The following PSEN2 variants were observed in gnomAD, a reference collection of about 807,000 sequenced individuals.
PSEN2 encodes presenilin 2.
PSEN2 carries 32 observed loss-of-function variants against 49.1 expected under a neutral mutation model. The observed-to-expected ratio is 0.65, with a 90% CI of 0.49 to 0.88. PSEN2 has a LOEUF of 0.88. PSEN2 is among the 40% of genes least tolerant of loss of function. The probability of loss-of-function intolerance (pLI) is 0.00; values close to 1 mark genes in which losing one functional copy is unlikely to be tolerated. For synonymous variants in PSEN2, 255 were observed against 244.0 expected, an observed-to-expected ratio of 1.05 and a Z score of -0.42; for missense variants, 522 against 586.9, an observed-to-expected ratio of 0.89 and a Z score of 1.14.
Position 226,895,673 on chromosome 1 carries a change from T to C in PSEN2, c.*94T>C, listed in dbSNP as rs202239448. On this transcript the variant is annotated 3_prime_UTR_variant, in exon 13 of 13. Coordinates refer to ENST00000366783, the MANE Select transcript of PSEN2 (RefSeq NM_000447.3). Reference sequence around the variant, plus strand: ...CTCTAGTGCCATATATTTTTAAGACTTTTCTTTCCTTAAAAAATAAAGTAC... The same window carrying C: ...CTCTAGTGCCATATATTTTTAAGACCTTTCTTTCCTTAAAAAATAAAGTAC... 7.2e-7 allele frequency: 1 copy of C among 1,394,884 alleles called. No homozygotes were observed. Among genetic ancestry groups the C allele is most frequent in the Non-Finnish European group, 9.9e-7 (1 of 1,015,016 alleles). 86.4% of individuals were successfully genotyped at this position (1,394,884 alleles called of 1,614,324 possible). A position where few individuals can be genotyped will look rare whatever the true frequency, so the allele number is the denominator to read the frequency against.
At chr1:226,873,108 C>G (rs1279484163) in intron 2 of PSEN2, among the ~76,000 whole-genome samples, 8 of 151,446 alleles carry the variant, frequency 5.3e-5, no homozygotes, top group African/African-American at 1.9e-4. Context: ...ACCCAGGAGG[C>G]GGAGGTTGCA....
At chr1:226,882,717 C>T (rs959208854) in intron 4 of PSEN2, among the ~76,000 whole-genome samples, 1 of 152,164 alleles carries the variant, frequency 6.6e-6, no homozygotes, top group African/African-American at 2.4e-5. Flanking sequence ...AATTTGAGCT[C>T]ACTTCTCCAT....
chr1:226,888,232 C>A (rs1285838158), intron 7 of PSEN2, 74 bp downstream of exon 7: 7 of 1,349,342 alleles, frequency 5.2e-6, no homozygotes, highest in East Asian at 4.6e-5. Flanking sequence ...GGCATGAGGA[C>A]CTGGGCGGGG....
At chr1:226,890,998 C>T (rs888617131) in intron 9 of PSEN2, 24 of 490,082 alleles carry the variant, frequency 4.9e-5, no homozygotes, top group Middle Eastern at 5.6e-4. Flanking sequence ...TGTCCCAGGG[C>T]TCGGGGGATT....
chr1:226,879,497 A>G (rs1422788312), intron 3 of PSEN2, among the ~76,000 whole-genome samples: 5 of 152,154 alleles, frequency 3.3e-5, no homozygotes, highest in African/African-American at 1.2e-4. Context: ...TCCATCAGGC[A>G]CCAAACTCCT....
At chr1:226,887,843 G>T (rs1486448342) in intron 6 of PSEN2, among the ~76,000 whole-genome samples, 1 of 152,166 alleles carries the variant, frequency 6.6e-6, no homozygotes, top group Non-Finnish European at 1.5e-5. Context: ...GATGGGGGGA[G>T]ACCGCAAGGC....
intron 12 of PSEN2, among the ~76,000 whole-genome samples, chr1:226,902,765 C>T (rs1184241582): frequency 6.6e-6 from 1 of 152,174 alleles, no homozygotes; most frequent in Admixed American, 6.5e-5. Flanking sequence ...GGCTTGCAAG[C>T]ACCTGTTATA....
downstream of PSEN2, among the ~76,000 whole-genome samples, chr1:226,901,313 G>A (rs1662313002): frequency 6.6e-6 from 1 of 151,712 alleles, no homozygotes; most frequent in South Asian, 2.1e-4. Context: ...GCGGGCACCT[G>A]TAATCCCAGC....
chr1:226,872,922 A>C (rs750798423), intron 2 of PSEN2, among the ~76,000 whole-genome samples: 25 of 152,122 alleles, frequency 1.6e-4, no homozygotes, highest in Non-Finnish European at 3.5e-4. Context: ...TCATGTCTGT[A>C]ATCCCAGCAC....
At chr1:226,893,946 CTCT>C (rs1367946023) in intron 11 of PSEN2, 58 bp from the exon 12 acceptor site, 1 of 1,448,606 alleles carries the variant, frequency 6.9e-7, no homozygotes, top group Non-Finnish European at 9.7e-7. Flanking sequence ...GCCAGAGTTT[CTCT>C]TCTTTTTCCA....
At chr1:226,873,371 T>G (rs1329626862) in intron 2 of PSEN2, among the ~76,000 whole-genome samples, 6 of 152,180 alleles carry the variant, frequency 3.9e-5, no homozygotes, top group Admixed American at 3.9e-4. Flanking sequence ...CTTACTGGAC[T>G]CTTTTTAAAA....
At chr1:226,902,483 C>T (rs1162870399) in intron 12 of PSEN2, among the ~76,000 whole-genome samples, 1 of 152,072 alleles carries the variant, frequency 6.6e-6, no homozygotes, top group Non-Finnish European at 1.5e-5. Context: ...CCTTGCTCCC[C>T]ATTTGGGATT....
rs142690225 is a variant in PSEN2 at position 226,894,111 on chromosome 1, G to A, written c.1177G>A (p.Val393Met). 393 of 1,614,008 alleles carry A rather than the reference G, an allele frequency of 2.4e-4. No individual in the cohort carries two copies. The highest frequency in any genetic ancestry group is 3.2e-4 in the Non-Finnish European group (373 of 1,179,892). ...GDWNTTLACFVAILIGLCLTL... is the reference protein window; with the variant it reads ...GDWNTTLACFMAILIGLCLTL... ...CTGGAATACCACGCTGGCCTGCTTCGTGGCCATCCTCATTGTGAGTGGCTG... is the reference window on the plus strand; with the variant it reads ...CTGGAATACCACGCTGGCCTGCTTCATGGCCATCCTCATTGTGAGTGGCTG... The change falls in exon 12 of 13, where the codon GTG (valine) becomes ATG (methionine). Residue 393 changes from valine (V) to methionine (M), a missense_variant. Coordinates refer to ENST00000366783, the MANE Select transcript of PSEN2 (RefSeq NM_000447.3).
chr1:226,890,039 C>T lies in PSEN2; in HGVS notation c.792C>T (p.Leu264=), dbSNP rs77875620. 11 of 1,612,850 alleles carry T rather than the reference C, an allele frequency of 6.8e-6. No homozygotes were observed. The highest frequency in any genetic ancestry group is 3.3e-5 in the South Asian group (3 of 91,064). The change falls in exon 9 of 13, where the codon CTC becomes CTT. Residue 264 remains leucine, a synonymous_variant. Transcript: ENST00000366783. ...AGGATGTCTCTGTCTTCCTAGATCT[C>T]GTGGCTGTGCTGTGTCCCAAAGGGC... ...VILGAISVYD[L]VAVLCPKGPL... is the part of the protein sequence containing the mutation.
chr1:226,885,968 C>CAAA (rs1553268256), intron 6 of PSEN2, among the ~76,000 whole-genome samples: 9 of 151,302 alleles, frequency 5.9e-5, no homozygotes, highest in Admixed American at 1.3e-4. Context: ...CTCCTGGGCT[C>CAAA]AAGTTCTCCC....
At chr1:226,885,800 T>G in intron 6 of PSEN2, 121 bp downstream of exon 6, 1 of 1,175,374 alleles carries the variant, frequency 8.5e-7, no homozygotes, top group Non-Finnish European at 1.2e-6. Context: ...AGACCCAGAT[T>G]TTTTGTACTC....
rs1166634443 is a variant in PSEN2, at chr1:226,888,999, A to G, written c.737A>G (p.Tyr246Cys). The G allele has an allele frequency of 1.2e-6, 2 of 1,613,794 alleles. No homozygotes were observed. Among genetic ancestry groups the G allele is most frequent in the Admixed American group, 3.3e-5 (2 of 59,978 alleles). Residue 246 changes from tyrosine (Y) to cysteine (C), a missense_variant, in exon 8 of 13, where the codon TAC (tyrosine) becomes TGC (cysteine). By Grantham distance (194) the Tyr-to-Cys change is radical. Coordinates refer to ENST00000366783, the MANE Select transcript of PSEN2 (RefSeq NM_000447.3). The part of the protein sequence containing the change: ...SALMALVFIK[Y>C]LPEWSAWVIL... ...CTCATGGCCCTAGTGTTCATCAAGT[A>G]CCTCCCAGAGTGGTCCGCGTGGGTC...
At chr1:226,901,377 AG>A (rs536676263), downstream of PSEN2, among the ~76,000 whole-genome samples, 72 of 150,014 alleles carry the variant, frequency 4.8e-4, no homozygotes, top group Non-Finnish European at 8.3e-4. Context: ...CAGAGGTTGC[AG>A]TGAGACAAGA....
At chr1:226,888,786 C>T in intron 7 of PSEN2, 43 bp from the exon 8 acceptor site, 8 of 1,546,078 alleles carry the variant, frequency 5.2e-6, no homozygotes, top group Non-Finnish European at 7.2e-6. Context: ...GGCTGTAATG[C>T]CTCCACTGAG....
Sources: gnomAD v4.1 joint callset for allele counts (sites outside exome capture counted in the v4.1 genomes callset) on GRCh38, gnomAD v4.1.1 for gene constraint, MANE v1.5 for transcripts, NCBI Gene and HGNC (gene_info 2026-07-23, HGNC 2026-07-21) for gene names.